Variants in TMCC1 observed in about 807,000 individuals in gnomAD.
TMCC1 encodes the protein transmembrane and coiled-coil domains protein 1.
A neutral mutation model predicts 52.4 loss-of-function variants in TMCC1; 15 were observed. The ratio of observed to expected loss-of-function variants is 0.29; its 90% confidence interval spans 0.19 to 0.44. The LOEUF (loss-of-function observed/expected upper bound fraction) is 0.44, where lower values mean the gene tolerates loss of function less well. TMCC1 is among the 20% of genes least tolerant of loss of function. The probability of loss-of-function intolerance (pLI) is 1.00; values close to 1 mark genes in which losing one functional copy is unlikely to be tolerated. For missense variants in TMCC1, 503 were observed against 806.0 expected, an observed-to-expected ratio of 0.62 and a Z score of 4.55; for synonymous variants, 279 against 301.9, an observed-to-expected ratio of 0.92 and a Z score of 0.79.
rs62761061 is a variant in TMCC1 at position 129,723,360 on chromosome 3, C to CTTT, written c.577-52099_577-52097dup. On this transcript the variant is annotated intron_variant, in intron 4 of 6. Coordinates refer to ENST00000393238, the MANE Select transcript of TMCC1 (RefSeq NM_001017395.5). ...TAGCTGAGCACTAAGAAATCTTTTT[C>CTTT]TTTTTTTTTTTTTTTTTTTGGCCAC... 5.7e-5 allele frequency among the ~76,000 whole-genome samples: 6 copies of CTTT among 105,618 alleles called. No individual in the cohort carries two copies. In the East Asian group the frequency reaches 1.7e-3, roughly 29 times the overall value. The allele number at this position is 105,618 out of a possible 152,430, so 69.3% of individuals were successfully genotyped here.
intron 2 of TMCC1, among the ~76,000 whole-genome samples, chr3:129,858,595 C>T (rs1263051914): frequency 2.0e-5 from 3 of 152,074 alleles, no homozygotes; most frequent in African/African-American, 7.2e-5. Flanking sequence ...TGGTCTCAAG[C>T]TCGTGAGCTC....
intron 4 of TMCC1, among the ~76,000 whole-genome samples, chr3:129,796,314 A>C (rs2056818578): frequency 6.6e-6 from 1 of 152,082 alleles, no homozygotes. Flanking sequence ...ATGTAAGGAC[A>C]CTCTACGATG....
chr3:129,711,459 TAAGG>T (rs993534363), intron 4 of TMCC1, among the ~76,000 whole-genome samples: 3 of 152,176 alleles, frequency 2.0e-5, no homozygotes, highest in South Asian at 2.1e-4. Flanking sequence ...TACTCCCACT[TAAGG>T]AAGATTTTGT....
At chr3:129,773,360 C>T (rs2054767314) in intron 4 of TMCC1, among the ~76,000 whole-genome samples, 1 of 152,094 alleles carries the variant, frequency 6.6e-6, no homozygotes, top group Non-Finnish European at 1.5e-5. Context: ...TATATTTACA[C>T]ATTTGTTTGT....
intron 2 of TMCC1, among the ~76,000 whole-genome samples, chr3:129,851,172 A>G (rs1384417156): frequency 6.6e-6 from 1 of 152,246 alleles, no homozygotes; most frequent in Admixed American, 6.5e-5. Context: ...TAAATAAATC[A>G]GTACACAGCC....
At chr3:129,875,998 G>A (rs1169035883) in intron 2 of TMCC1, among the ~76,000 whole-genome samples, 1 of 152,156 alleles carries the variant, frequency 6.6e-6, no homozygotes, top group East Asian at 1.9e-4. Flanking sequence ...AGCTGGGTGT[G>A]ATGGCACATG....
intron 2 of TMCC1, among the ~76,000 whole-genome samples, chr3:129,846,894 A>AG (rs1553889590): frequency 3.5e-5 from 4 of 113,606 alleles, no homozygotes; most frequent in African/African-American, 1.3e-4. Flanking sequence ...AAAAAAAAAA[A>AG]GGGCAGGAGG....
chr3:129,664,222 G>A (rs908477900), intron 5 of TMCC1, among the ~76,000 whole-genome samples: 2 of 152,066 alleles, frequency 1.3e-5, no homozygotes, highest in Non-Finnish European at 2.9e-5. Flanking sequence ...CCTACATATC[G>A]TCTGGAGATT....
chr3:129,666,354 T>C (rs2087451468), intron 5 of TMCC1, among the ~76,000 whole-genome samples: 1 of 152,204 alleles, frequency 6.6e-6, no homozygotes, highest in Admixed American at 6.6e-5. Flanking sequence ...ATATCTAAGC[T>C]CTTTCCATTA....
chr3:129,801,495 C>T (rs193213974), intron 4 of TMCC1, among the ~76,000 whole-genome samples: 65 of 151,640 alleles, frequency 4.3e-4, no homozygotes, highest in African/African-American at 1.5e-3. Context: ...GGAGTCTTGT[C>T]CTGTCACCCA....
At chr3:129,767,590 G>A (rs1317746354) in intron 4 of TMCC1, among the ~76,000 whole-genome samples, 1 of 151,968 alleles carries the variant, frequency 6.6e-6, no homozygotes, top group African/African-American at 2.4e-5. Flanking sequence ...CCCAGGCTAC[G>A]GTTAATTTTA....
chr3:129,783,840 A>T (rs774997566), intron 4 of TMCC1, among the ~76,000 whole-genome samples: 408 of 152,350 alleles, frequency 2.7e-3, no homozygotes, highest in Middle Eastern at 0.014. Context: ...AAAAAGATGA[A>T]GTTAGAAATG....
intron 4 of TMCC1, among the ~76,000 whole-genome samples, chr3:129,768,504 T>G (rs2054302578): frequency 6.6e-6 from 1 of 152,174 alleles, no homozygotes. Context: ...TCCCACTGAT[T>G]AGATTCTGTT....
intron 4 of TMCC1, chr3:129,688,263 TA>T (rs36118217): frequency 0.091 from 40,035 of 442,356 alleles, 1 homozygote; most frequent in Non-Finnish European, 0.11. Flanking sequence ...GCTTGGATGG[TA>T]AAAAAAAAAA....
intron 4 of TMCC1, among the ~76,000 whole-genome samples, chr3:129,684,530 GA>G (rs2089261582): frequency 6.6e-6 from 1 of 152,048 alleles, no homozygotes; most frequent in South Asian, 2.1e-4. Flanking sequence ...TGACCTCACT[GA>G]AAAATACTAG....
chr3:129,831,082 G>A (rs2058888478), intron 3 of TMCC1, among the ~76,000 whole-genome samples: 1 of 151,938 alleles, frequency 6.6e-6, no homozygotes, highest in African/African-American at 2.4e-5. Context: ...TTACAGGCAC[G>A]TGCCACCATG....
intron 4 of TMCC1, among the ~76,000 whole-genome samples, chr3:129,749,550 G>T: frequency 6.6e-6 from 1 of 152,066 alleles, no homozygotes; most frequent in East Asian, 1.9e-4. Flanking sequence ...TAAAAACAAA[G>T]ATGTTTTTAC....
chr3:129,792,095 C>T (rs2056506772), intron 4 of TMCC1, among the ~76,000 whole-genome samples: 1 of 151,696 alleles, frequency 6.6e-6, no homozygotes, highest in South Asian at 2.1e-4. Flanking sequence ...CTTAAGACAA[C>T]TCTACTCCTG....
chr3:129,773,751 C>A (rs996406771), intron 4 of TMCC1, among the ~76,000 whole-genome samples: 2 of 152,074 alleles, frequency 1.3e-5, no homozygotes, highest in East Asian at 1.9e-4. Flanking sequence ...TTGAGACCAG[C>A]CAGGGCAATA....
Sources: allele counts gnomAD v4.1 joint callset (sites outside exome capture counted in the v4.1 genomes callset), GRCh38; gene constraint gnomAD v4.1.1; transcripts MANE v1.5; gene names NCBI Gene and HGNC (gene_info 2026-07-23, HGNC 2026-07-21).